The following ATP6V1C2 variants were observed in gnomAD, a reference collection of about 807,000 sequenced individuals.
ATP6V1C2 encodes the protein V-type proton ATPase subunit C 2.
Under a neutral mutation model 56.8 loss-of-function variants are expected in ATP6V1C2, and 45 were observed. That is an observed-to-expected ratio of 0.79 (90% CI 0.62 to 1.02). The LOEUF is 1.02. Among genes scored for constraint, ATP6V1C2 ranks in the 50% least tolerant of loss-of-function variants. The pLI is 0.00. For synonymous variants in ATP6V1C2, 220 were observed against 201.3 expected (o/e 1.09, Z -0.79); for missense variants, 463 against 519.7 (o/e 0.89, Z 1.06).
intron 1 of ATP6V1C2, among the ~76,000 whole-genome samples, chr2:10,722,300 A>G (rs937513532): frequency 1.3e-5 from 2 of 151,578 alleles, no homozygotes; most frequent in African/African-American, 4.8e-5. Flanking sequence ...ACCCCCTACT[A>G]CTTTTTTTTT....
At chr2:10,733,501 T>G (rs1204659103) in intron 3 of ATP6V1C2, among the ~76,000 whole-genome samples, 1 of 152,180 alleles carries the variant, frequency 6.6e-6, no homozygotes. Context: ...TTTTTCCATG[T>G]AGTTGGAAGG....
At chr2:10,733,913 G>T (rs149815002) in intron 3 of ATP6V1C2, among the ~76,000 whole-genome samples, 91 of 149,796 alleles carry the variant, frequency 6.1e-4, no homozygotes, top group African/African-American at 2.0e-3. Flanking sequence ...GCTGACTGAG[G>T]GTTGGCTGAT....
chr2:10,783,309 A>G lies in ATP6V1C2; in HGVS notation c.*46A>G. 1.6e-6 allele frequency: 2 copies of G among 1,284,060 alleles called. No homozygotes were observed. Among genetic ancestry groups the G allele is most frequent in the Non-Finnish European group, 2.3e-6 (2 of 882,118 alleles). 79.5% of individuals were successfully genotyped at this position (1,284,060 alleles called of 1,614,324 possible). ...GTCTCATGTTCGTGCAGATTATTACAGACACCTCTTTCCTTTAGCCAGAGA... is the reference window on the plus strand; with the variant it reads ...GTCTCATGTTCGTGCAGATTATTACGGACACCTCTTTCCTTTAGCCAGAGA... On this transcript the variant is annotated 3_prime_UTR_variant, in exon 14 of 14. Transcript: ENST00000272238.
At chr2:10,726,198 CAACAT>C (rs1411395303) in intron 2 of ATP6V1C2, among the ~76,000 whole-genome samples, 3 of 152,198 alleles carry the variant, frequency 2.0e-5, no homozygotes, top group East Asian at 1.9e-4. Context: ...TGGGGATTAA[CAACAT>C]GACTGACTAG....
chr2:10,776,025 G>A (rs905413307), intron 10 of ATP6V1C2, among the ~76,000 whole-genome samples: 2 of 152,162 alleles, frequency 1.3e-5, no homozygotes, highest in Admixed American at 6.5e-5. Context: ...GTGCTGCCAA[G>A]TGTGTGCTCC....
intron 2 of ATP6V1C2, among the ~76,000 whole-genome samples, chr2:10,724,643 G>A (rs1284669520): frequency 1.3e-5 from 2 of 151,098 alleles, no homozygotes. Context: ...TGTCTTGGTA[G>A]AGATATTCAG....
At chr2:10,727,277 C>G (rs1440052149) in intron 3 of ATP6V1C2, among the ~76,000 whole-genome samples, 2 of 151,870 alleles carry the variant, frequency 1.3e-5, no homozygotes, top group Non-Finnish European at 2.9e-5. Context: ...ACCATGTGTT[C>G]CAGGCTAGTT....
Position 10,784,657 on chromosome 2 carries a change from T to C in ATP6V1C2, c.*1394T>C, listed in dbSNP as rs558587925. The C allele has an allele frequency of 2.3e-4, 117 of 507,712 alleles. No homozygotes were observed. The highest frequency in any genetic ancestry group is 4.8e-5 in the Non-Finnish European group (14 of 289,644). The allele number at this position is 507,712 out of a possible 1,614,324, so 31.5% of individuals were successfully genotyped here. The stretch of plus-strand genomic sequence containing the variant: ...TTCTATTTTTCTAAGATAAAGTAAA[T>C]GAATTCCAGGTTAAATGTTCACTTT... On this transcript the variant is annotated 3_prime_UTR_variant, in exon 14 of 14. Transcript: ENST00000272238.
chr2:10,739,189 A>G lies in ATP6V1C2; in HGVS notation c.197+12620A>G, dbSNP rs183743653. Among the ~76,000 whole-genome samples, 1,215 of 152,300 alleles carry G rather than the reference A, an allele frequency of 8.0e-3. 23 individuals are homozygous for G. The highest frequency in any genetic ancestry group is 0.029 in the African/African-American group (1,188 of 41,556). On this transcript the variant is annotated intron_variant, in intron 3 of 13. Transcript: ENST00000272238. ...TCCCAGCTACTCGGGAGGCTGAGGCAGGAGAATCGCTTGAACCCGGGAGAC... is the reference window on the plus strand; with the variant it reads ...TCCCAGCTACTCGGGAGGCTGAGGCGGGAGAATCGCTTGAACCCGGGAGAC...
intron 10 of ATP6V1C2, among the ~76,000 whole-genome samples, chr2:10,777,281 C>G (rs965090315): frequency 1.3e-5 from 2 of 152,200 alleles, no homozygotes; most frequent in Non-Finnish European, 2.9e-5. Context: ...GGTCGGCCTG[C>G]GATGGGGGTC....
chr2:10,721,935 C>G (rs1247404452), intron 1 of ATP6V1C2, among the ~76,000 whole-genome samples: 1 of 152,188 alleles, frequency 6.6e-6, no homozygotes, highest in South Asian at 2.1e-4. Flanking sequence ...GCAGTCAAGG[C>G]GGAAAGGAGC....
chr2:10,764,179 GT>G, intron 4 of ATP6V1C2, 151 bp from the exon 5 acceptor site: 2 of 635,616 alleles, frequency 3.1e-6, no homozygotes, highest in Non-Finnish European at 5.7e-6. Context: ...CGCAGGGAAC[GT>G]TTGCTTTTCC....
At chr2:10,759,275 G>A (rs1663749710) in intron 4 of ATP6V1C2, among the ~76,000 whole-genome samples, 1 of 152,182 alleles carries the variant, frequency 6.6e-6, no homozygotes, top group Non-Finnish European at 1.5e-5. Flanking sequence ...GCAGAGCTGG[G>A]AGCAGGAAGG....
At chr2:10,744,011 T>C (rs1662719850) in intron 3 of ATP6V1C2, among the ~76,000 whole-genome samples, 1 of 148,872 alleles carries the variant, frequency 6.7e-6, no homozygotes, top group South Asian at 2.1e-4. Flanking sequence ...TAATAATAAA[T>C]AAATAAATAA....
At chr2:10,737,856 G>T (rs978195307) in intron 3 of ATP6V1C2, among the ~76,000 whole-genome samples, 1 of 152,104 alleles carries the variant, frequency 6.6e-6, no homozygotes, top group African/African-American at 2.4e-5. Flanking sequence ...ACCAGGCCCA[G>T]CTATTTTTTA....
At chr2:10,772,438 C>A in intron 7 of ATP6V1C2, 104 bp from the exon 8 acceptor site, 1 of 969,444 alleles carries the variant, frequency 1.0e-6, no homozygotes, top group Non-Finnish European at 1.7e-6. Context: ...CATCCCTGCT[C>A]ACCTTCAGGC....
At chr2:10,750,734 CAAAT>C in intron 3 of ATP6V1C2, among the ~76,000 whole-genome samples, 1 of 152,252 alleles carries the variant, frequency 6.6e-6, no homozygotes, top group African/African-American at 2.4e-5. Context: ...TTTATGTAAA[CAAAT>C]AACTACTCAA....
chr2:10,771,895 T>C lies in ATP6V1C2; in HGVS notation c.527T>C (p.Leu176Pro), dbSNP rs1192605077. The C allele has an allele frequency of 6.2e-7, 1 of 1,614,072 alleles. No homozygotes were observed. Among genetic ancestry groups the C allele is most frequent in the Non-Finnish European group, 8.5e-7 (1 of 1,180,024 alleles). Residue 176 changes from leucine to proline, a missense_variant, in exon 7 of 14, where the codon CTG becomes CCG. Leu to Pro is a moderately conservative substitution (Grantham distance 98, BLOSUM62 -3). Transcript: ENST00000272238. ...SDIVSKEDFV[L>P]DSEYLVTLLV... ...ATTGTGAGCAAAGAGGACTTCGTGC[T>C]GGATTCTGAATATCTCGTCACACTT... is the stretch of plus-strand genomic sequence containing the variant.
At chr2:10,776,075 T>G (rs962415128) in intron 10 of ATP6V1C2, among the ~76,000 whole-genome samples, 71 of 151,912 alleles carry the variant, frequency 4.7e-4, no homozygotes, top group Admixed American at 2.3e-3. Context: ...GCGACCTTTT[T>G]GCAGGGACTG....
Sources: gnomAD v4.1 joint callset for allele counts (sites outside exome capture counted in the v4.1 genomes callset) on GRCh38, gnomAD v4.1.1 for gene constraint, MANE v1.5 for transcripts, NCBI Gene and HGNC (gene_info 2026-07-23, HGNC 2026-07-21) for gene names.